STRN3: variants seen among roughly 807,000 people sequenced by gnomAD.
STRN3 encodes striatin-3.
A neutral mutation model predicts 95.6 loss-of-function variants in STRN3; 29 were observed. The ratio of observed to expected loss-of-function variants is 0.30; its 90% CI spans 0.23 to 0.41. The LOEUF is 0.41. Among genes scored for constraint, STRN3 ranks in the 10% least tolerant of loss-of-function variants. The pLI, the probability that STRN3 is intolerant of heterozygous loss-of-function variation, is 1.00. For missense variants in STRN3, 890 were observed against 972.1 expected, an observed-to-expected ratio of 0.92 and a Z score of 1.12; for synonymous variants, 331 against 357.6, an observed-to-expected ratio of 0.93 and a Z score of 0.84.
rs183485228 is a variant in STRN3, at chr14:30,968,695, G to A, written c.283-12453C>T. Among the ~76,000 whole-genome samples the A allele has an allele frequency of 3.8e-3, 561 of 149,298 alleles. 4 individuals carry two copies. Among genetic ancestry groups the A allele is most frequent in the African/African-American group, 0.013 (525 of 40,656 alleles). ...CTCCATCTCAAAAAAAAAAAAAAAGGTGTTTGCGGCAAGTCAGAAAGTTGA... is the reference window on the plus strand; with the variant it reads ...CTCCATCTCAAAAAAAAAAAAAAAGATGTTTGCGGCAAGTCAGAAAGTTGA... On this transcript the variant is annotated intron_variant, in intron 1 of 17. Coordinates refer to ENST00000357479, the MANE Select transcript of STRN3 (RefSeq NM_001083893.2).
chr14:30,969,180 A>G (rs1880699162), intron 1 of STRN3, among the ~76,000 whole-genome samples: 1 of 152,230 alleles, frequency 6.6e-6, no homozygotes, highest in Non-Finnish European at 1.5e-5. Context: ...TCACGCCTGT[A>G]ATCCCAGCAC....
At chr14:30,975,322 G>C (rs1202565601) in intron 1 of STRN3, among the ~76,000 whole-genome samples, 3 of 151,568 alleles carry the variant, frequency 2.0e-5, no homozygotes, top group African/African-American at 4.8e-5. Flanking sequence ...ACCAAGCATT[G>C]TATGTTCTCA....
At chr14:30,966,061 C>T (rs1395452145) in intron 1 of STRN3, among the ~76,000 whole-genome samples, 1 of 151,752 alleles carries the variant, frequency 6.6e-6, no homozygotes, top group Non-Finnish European at 1.5e-5. Flanking sequence ...CAATTACCTG[C>T]TACCTGCTCT....
intron 9 of STRN3, among the ~76,000 whole-genome samples, chr14:30,914,990 C>T (rs1896700590): frequency 6.6e-6 from 1 of 152,136 alleles, no homozygotes; most frequent in East Asian, 1.9e-4. Context: ...AAGCAACAAC[C>T]TTCAATATCA....
At position 30,913,675 on chromosome 14, in the gene STRN3, G is replaced by A. The variant is rs1896663653; in HGVS notation, c.1241-18C>T. 2 of 1,610,750 alleles carry A rather than the reference G, an allele frequency of 1.2e-6. No homozygotes were observed. The highest frequency in any genetic ancestry group is 1.7e-6 in the Non-Finnish European group (2 of 1,178,872). ...TGGTTCAGCTATAAAGAACAAAACC[G>A]CTTCTTAAATGCTGAAAAATCATAC... is the stretch of plus-strand genomic sequence containing the variant. On this transcript the variant is annotated intron_variant, in intron 9 of 17. Coordinates refer to ENST00000357479, the MANE Select transcript of STRN3 (RefSeq NM_001083893.2).
intron 1 of STRN3, among the ~76,000 whole-genome samples, chr14:30,970,969 G>C (rs1472619227): frequency 6.6e-6 from 1 of 152,234 alleles, no homozygotes; most frequent in East Asian, 1.9e-4. Context: ...AATAAGTCTT[G>C]CCAAGCTCTC....
intron 8 of STRN3, among the ~76,000 whole-genome samples, chr14:30,919,983 CTACAT>C (rs1207111198): frequency 1.3e-5 from 2 of 152,080 alleles, no homozygotes; most frequent in African/African-American, 4.8e-5. Flanking sequence ...GCTTTATAAT[CTACAT>C]AAGTTTAAAA....
rs79477795 is a variant in STRN3 at position 30,929,965 on chromosome 14, A to ACAAAC, written c.989-655_989-654insGTTTG. Among the ~76,000 whole-genome samples the ACAAAC allele has an allele frequency of 1.7e-3, 243 of 143,450 alleles. 6 individuals carry two copies. The highest frequency in any genetic ancestry group is 6.0e-3 in the African/African-American group (231 of 38,464). 94.1% of individuals were successfully genotyped at this position (143,450 alleles called of 152,430 possible). On this transcript the variant is annotated intron_variant, in intron 7 of 17. Coordinates refer to ENST00000357479, the MANE Select transcript of STRN3 (RefSeq NM_001083893.2). ...ACAACTAAGATTAGCAAAAAAAAAAAAAAAAAAAAAAAAACTCAAATTCCA... is the reference window on the plus strand; with the variant it reads ...ACAACTAAGATTAGCAAAAAAAAAAACAAACAAAAAAAAAAAAAACTCAAATTCCA...
chr14:30,960,038 C>T (rs950519584), intron 1 of STRN3, among the ~76,000 whole-genome samples: 1 of 151,996 alleles, frequency 6.6e-6, no homozygotes, highest in Admixed American at 6.6e-5. Flanking sequence ...TTCAAATTAC[C>T]TAGAACAGCC....
intron 1 of STRN3, among the ~76,000 whole-genome samples, chr14:30,986,360 A>G (rs1881693168): frequency 6.6e-6 from 1 of 152,184 alleles, no homozygotes; most frequent in Non-Finnish European, 1.5e-5. Flanking sequence ...GAAAACATAG[A>G]AAGGGACAGT....
At chr14:30,920,195 G>A (rs1055943995) in intron 8 of STRN3, among the ~76,000 whole-genome samples, 3 of 152,072 alleles carry the variant, frequency 2.0e-5, no homozygotes, top group Admixed American at 1.3e-4. Context: ...GTGGAAATAG[G>A]TGGACTTTTA....
At chr14:31,001,266 T>C (rs1043213100) in intron 1 of STRN3, among the ~76,000 whole-genome samples, 1 of 152,156 alleles carries the variant, frequency 6.6e-6, no homozygotes, top group African/African-American at 2.4e-5. Context: ...CCAAATGCAG[T>C]GGCTCACTCC....
At chr14:31,024,956 C>T (rs1883721049) in intron 1 of STRN3, 1 of 152,174 alleles carries the variant, frequency 6.6e-6, no homozygotes, top group African/African-American at 2.4e-5. Context: ...TGTTAACTAC[C>T]AACAGCTTCC....
chr14:30,950,915 C>T lies in STRN3; in HGVS notation c.490G>A (p.Ala164Thr), dbSNP rs373957245. Residue 164 changes from alanine (A) to threonine (T), a missense_variant, in exon 4 of 18, where the codon GCA becomes ACA. Ala to Thr is a moderately conservative substitution (Grantham distance 58). Around this residue, in one of 3 missense-constraint regions of STRN3, gnomAD observed 526 missense variants for 526.3 expected, o/e 1.00. Coordinates refer to ENST00000357479, the MANE Select transcript of STRN3 (RefSeq NM_001083893.2). ...EETKDTEAPT[A>T]PQNSQLTWKQ... ...CACGTTAACTGGCTATTCTGAGGTG[C>T]TGTGGGAGCCTCTGTGTCTTTGGTT... 2 of 1,613,546 alleles carry T rather than the reference C, an allele frequency of 1.2e-6. No individual in the cohort carries two copies. The highest frequency in any genetic ancestry group is 2.7e-5 in the African/African-American group (2 of 74,868).
chr14:30,910,993 G>C, intron 13 of STRN3, 48 bp downstream of exon 13: 1 of 1,578,952 alleles, frequency 6.3e-7, no homozygotes, highest in Non-Finnish European at 8.6e-7. Context: ...ATTTACTTTT[G>C]TCAGCTCCAT....
chr14:30,952,334 C>A (rs1879688877), intron 3 of STRN3, among the ~76,000 whole-genome samples: 1 of 152,136 alleles, frequency 6.6e-6, no homozygotes, highest in African/African-American at 2.4e-5. Context: ...CTCCTAGACT[C>A]CTCAAAATCA....
chr14:31,025,917 C>A lies in STRN3; in HGVS notation c.269G>T (p.Arg90Leu). The A allele has an allele frequency of 6.2e-7, 1 of 1,601,276 alleles. No homozygotes were observed. The highest frequency in any genetic ancestry group is 8.5e-7 in the Non-Finnish European group (1 of 1,174,310). ...CCAACGAGGTACCTGCAGTTCGGCCCGTTCCACCTCCCAGTGCGCCCGCTC... is the reference window on the plus strand; with the variant it reads ...CCAACGAGGTACCTGCAGTTCGGCCAGTTCCACCTCCCAGTGCGCCCGCTC... ...EMERAHWEVE[R>L]AELQARIAFL... The change falls in exon 1 of 18, where the codon CGG becomes CTG. Residue 90 changes from arginine (R) to leucine (L), a missense_variant. This residue lies in a region of STRN3 where 526 missense variants were observed against 526.3 expected (regional missense o/e 1.00). Transcript: ENST00000357479.
intron 1 of STRN3, among the ~76,000 whole-genome samples, chr14:30,995,509 T>A (rs1191349445): frequency 6.6e-6 from 1 of 152,214 alleles, no homozygotes; most frequent in African/African-American, 2.4e-5. Context: ...GAATATCTGC[T>A]AGCTATAAAT....
chr14:31,005,468 C>T (rs1293102525), intron 1 of STRN3, among the ~76,000 whole-genome samples: 2 of 152,216 alleles, frequency 1.3e-5, no homozygotes, highest in Non-Finnish European at 2.9e-5. Flanking sequence ...AATACTTAAC[C>T]TTTTTATCTG....
Sources: gnomAD v4.1 joint callset for allele counts (sites outside exome capture counted in the v4.1 genomes callset) on GRCh38, gnomAD v4.1.1 for gene constraint, gnomAD v4.1.1 regional missense constraint, MANE v1.5 for transcripts, NCBI Gene and HGNC (gene_info 2026-07-23, HGNC 2026-07-21) for gene names.